The following CD226 variants were observed in gnomAD, a reference collection of about 807,000 sequenced individuals.
CD226 encodes CD226 molecule, also known as CD226 antigen.
In CD226, 24 loss-of-function variants were observed where a neutral mutation model predicts 34.9. The observed-to-expected ratio is 0.69, with a 90% CI of 0.50 to 0.97. The LOEUF is 0.97. Among genes scored for constraint, CD226 ranks in the 50% least tolerant of loss-of-function variants. The probability of loss-of-function intolerance (pLI) is 0.00; values close to 1 mark genes in which losing one functional copy is unlikely to be tolerated. For missense variants in CD226, 397 were observed against 412.7 expected, an observed-to-expected ratio of 0.96 and a Z score of 0.33; for synonymous variants, 148 against 147.4, an observed-to-expected ratio of 1.00 and a Z score of -0.03.
Position 69,947,650 on chromosome 18 carries a change from T to C in CD226, c.-244A>G. On this transcript the variant is annotated 5_prime_UTR_variant, in exon 1 of 6. Coordinates refer to ENST00000582621, the MANE Select transcript of CD226 (RefSeq NM_001303618.2). ...GAACCAGTCGGCTTATTTTCGGGCT[T>C]TCATTTTCTACAAGGAGTCATTCAT... The C allele has an allele frequency of 5.5e-6, 2 of 364,680 alleles. No homozygotes were observed. The highest frequency in any genetic ancestry group is 4.9e-6 in the Non-Finnish European group (1 of 205,984). The allele number at this position is 364,680 out of a possible 1,614,324, so 22.6% of individuals were successfully genotyped here. A position where few individuals can be genotyped will look rare whatever the true frequency, so the allele number is the denominator to read the frequency against.
chr18:69,933,249 A>G (rs1820900659), intron 2 of CD226, among the ~76,000 whole-genome samples: 1 of 152,190 alleles, frequency 6.6e-6, no homozygotes, highest in East Asian at 1.9e-4. Context: ...TCACTATTTG[A>G]AAACTTTACT....
chr18:69,898,161 CA>C (rs1278728774), intron 2 of CD226, among the ~76,000 whole-genome samples: 1 of 152,070 alleles, frequency 6.6e-6, no homozygotes, highest in Non-Finnish European at 1.5e-5. Flanking sequence ...AACATAAAAT[CA>C]GATGCTAGCA....
At chr18:69,865,862 T>G (rs1415179977) in intron 5 of CD226, among the ~76,000 whole-genome samples, 1 of 152,232 alleles carries the variant, frequency 6.6e-6, no homozygotes, top group African/African-American at 2.4e-5. Context: ...AAAAGAAATT[T>G]ATATACTTTT....
At chr18:69,955,761 G>A (rs2055891633) in intron 1 of CD226, among the ~76,000 whole-genome samples, 1 of 151,066 alleles carries the variant, frequency 6.6e-6, no homozygotes, top group Non-Finnish European at 1.5e-5. Flanking sequence ...TACTCAGGAG[G>A]CTGAGGCAGG....
intron 2 of CD226, among the ~76,000 whole-genome samples, chr18:69,945,492 C>A (rs1273438844): frequency 1.3e-5 from 2 of 152,186 alleles, no homozygotes; most frequent in Non-Finnish European, 2.9e-5. Context: ...TCATTGGGTT[C>A]TTTCTGACAC....
intron 3 of CD226, among the ~76,000 whole-genome samples, chr18:69,880,088 T>A (rs914293227): frequency 6.6e-6 from 1 of 151,826 alleles, no homozygotes; most frequent in African/African-American, 2.4e-5. Context: ...TCTGCACTAG[T>A]AGGTAGGTTC....
At position 69,947,509 on chromosome 18, in the gene CD226, T is replaced by C. The variant is rs2055808869; in HGVS notation, c.-103A>G. ...ACAATGCAGTTTCCTTCCTCTCAGA[T>C]GTTATCAGTCGTGTCTTCTTTTTCT... On this transcript the variant is annotated 5_prime_UTR_variant, in exon 1 of 6. Coordinates refer to ENST00000582621, the MANE Select transcript of CD226 (RefSeq NM_001303618.2). 1.5e-6 allele frequency: 1 copy of C among 661,894 alleles called. No individual in the cohort carries two copies. The highest frequency in any genetic ancestry group is 2.4e-5 in the South Asian group (1 of 42,316). 41.0% of individuals were successfully genotyped at this position (661,894 alleles called of 1,614,324 possible).
intron 2 of CD226, among the ~76,000 whole-genome samples, chr18:69,907,635 C>A (rs574976659): frequency 6.6e-6 from 1 of 152,084 alleles, no homozygotes; most frequent in Non-Finnish European, 1.5e-5. Flanking sequence ...GATAACATGA[C>A]CTGAGTCAAT....
At chr18:69,923,781 C>T (rs983406806) in intron 2 of CD226, among the ~76,000 whole-genome samples, 4 of 151,840 alleles carry the variant, frequency 2.6e-5, no homozygotes, top group Non-Finnish European at 2.9e-5. Flanking sequence ...GGTGAAACCC[C>T]GTCTCTACTA....
At chr18:69,919,728 T>A (rs561470483) in intron 2 of CD226, among the ~76,000 whole-genome samples, 5 of 152,226 alleles carry the variant, frequency 3.3e-5, no homozygotes, top group African/African-American at 1.2e-4. Flanking sequence ...CATGACTGAG[T>A]CATAAATACT....
intron 2 of CD226, among the ~76,000 whole-genome samples, chr18:69,917,798 T>C (rs2055403783): frequency 6.6e-6 from 1 of 152,204 alleles, no homozygotes; most frequent in African/African-American, 2.4e-5. Context: ...TTGAAAAGGA[T>C]CAAAGATTGA....
At chr18:69,921,180 T>C (rs1202642349) in intron 2 of CD226, among the ~76,000 whole-genome samples, 1 of 152,106 alleles carries the variant, frequency 6.6e-6, no homozygotes, top group African/African-American at 2.4e-5. Flanking sequence ...GTATAATCTC[T>C]CTCTAAGCCT....
At chr18:69,864,794 T>C (rs532382441) in intron 5 of CD226, among the ~76,000 whole-genome samples, 1 of 152,322 alleles carries the variant, frequency 6.6e-6, no homozygotes, top group East Asian at 1.9e-4. Flanking sequence ...CAACTTAACA[T>C]ATAAAAAGTT....
chr18:69,907,174 C>T (rs1475482829), intron 2 of CD226, among the ~76,000 whole-genome samples: 2 of 152,198 alleles, frequency 1.3e-5, no homozygotes, highest in Non-Finnish European at 2.9e-5. Context: ...CCTAATGGGT[C>T]CTTTTCACAT....
chr18:69,874,798 A>G (rs763054182), intron 3 of CD226, among the ~76,000 whole-genome samples: 6 of 152,220 alleles, frequency 3.9e-5, no homozygotes, highest in African/African-American at 7.2e-5. Context: ...TTTTAGACCT[A>G]GATTCCACAA....
intron 3 of CD226, among the ~76,000 whole-genome samples, chr18:69,878,132 T>C (rs1468085855): frequency 3.3e-5 from 5 of 152,230 alleles, no homozygotes; most frequent in Non-Finnish European, 5.9e-5. Flanking sequence ...GATTGAGTAA[T>C]GTCAGCCCTG....
Position 69,854,371 on chromosome 18 carries a change from A to G in CD226, c.*9943T>C, listed in dbSNP as rs750724615. 7 of 152,216 alleles carry G rather than the reference A, an allele frequency of 4.6e-5. No homozygotes were observed. Among genetic ancestry groups the G allele is most frequent in the Non-Finnish European group, 1.0e-4 (7 of 68,066 alleles). 9.4% of individuals were successfully genotyped at this position (152,216 alleles called of 1,614,324 possible). ...GTGAATTGCTGGCATCTGTTTGTGG[A>G]CTGGTGTGAGCAAGAAACCCATGGG... On this transcript the variant is annotated 3_prime_UTR_variant, in exon 6 of 6. Transcript: ENST00000582621.
intron 2 of CD226, among the ~76,000 whole-genome samples, chr18:69,917,453 GCTC>G (rs1325660764): frequency 1.3e-5 from 2 of 152,046 alleles, no homozygotes; most frequent in South Asian, 2.1e-4. Flanking sequence ...TTCCTGGGTT[GCTC>G]CTCCTCCTCA....
chr18:69,859,865 G>A lies in CD226; in HGVS notation c.*4449C>T, dbSNP rs749544481. 6.6e-6 allele frequency: 1 copy of A among 152,214 alleles called. No homozygotes were observed. The highest frequency in any genetic ancestry group is 1.5e-5 in the Non-Finnish European group (1 of 68,076). 9.4% of individuals were successfully genotyped at this position (152,214 alleles called of 1,614,324 possible). ...AGGCAGGTGGATCACCTGAGGTCCA[G>A]AGTTCAAGACAAGTCTGACCAACGT... On this transcript the variant is annotated 3_prime_UTR_variant, in exon 6 of 6. Transcript: ENST00000582621.
Sources: allele counts gnomAD v4.1 joint callset (sites outside exome capture counted in the v4.1 genomes callset), GRCh38; gene constraint gnomAD v4.1.1; transcripts MANE v1.5; gene names NCBI Gene and HGNC (gene_info 2026-07-23, HGNC 2026-07-21).